The following RRM2 variants were observed in gnomAD, a reference collection of about 807,000 sequenced individuals.
The protein encoded by RRM2 is ribonucleoside-diphosphate reductase subunit M2.
A neutral mutation model predicts 45.9 loss-of-function variants in RRM2; 6 were observed. The observed-to-expected ratio is 0.13, with a 90% CI of 0.07 to 0.26. The LOEUF (loss-of-function observed/expected upper bound fraction) is 0.26, where lower values mean the gene tolerates loss of function less well. RRM2 is among the 10% of genes least tolerant of loss of function. The pLI is 1.00. For missense variants in RRM2, 343 were observed against 489.5 expected, an observed-to-expected ratio of 0.70 and a Z score of 2.82; for synonymous variants, 177 against 173.0, an observed-to-expected ratio of 1.02 and a Z score of -0.18.
chr2:10,125,040 T>G (rs1474492868), intron 5 of RRM2, among the ~76,000 whole-genome samples, 190 bp downstream of exon 5: 1 of 152,250 alleles, frequency 6.6e-6, no homozygotes, highest in Non-Finnish European at 1.5e-5. Context: ...CTTAGAGTTG[T>G]GAAGGTACTC....
downstream of RRM2, among the ~76,000 whole-genome samples, chr2:10,132,247 A>G (rs568363752): frequency 1.3e-5 from 2 of 152,336 alleles, no homozygotes; most frequent in Non-Finnish European, 2.9e-5. Flanking sequence ...ATTTTAATTC[A>G]GGAAGATGGG....
intron 3 of RRM2, among the ~76,000 whole-genome samples, chr2:10,206,162 C>T (rs1178125807): frequency 5.3e-5 from 8 of 150,378 alleles, no homozygotes; most frequent in African/African-American, 9.8e-5. Flanking sequence ...AGGAGAATGG[C>T]GTGAATCTGG....
In RRM2 at chr2:10,169,736, C is replaced by T. The variant is rs369240597; in HGVS notation, n.482+27361C>T. Among the ~76,000 whole-genome samples, 30 of 152,284 alleles carry T rather than the reference C, an allele frequency of 2.0e-4. 2 individuals are homozygous for T. The highest frequency in any genetic ancestry group is 1.2e-3 in the Admixed American group (19 of 15,296). On this transcript the variant is annotated intron_variant and non_coding_transcript_variant, in intron 3 of 3. Transcript: ENST00000381786. The surrounding 1 kb of genome is among the most constrained non-coding windows in gnomAD (Gnocchi z 5.1). The stretch of plus-strand genomic sequence containing the variant: ...AATGAGTGTCTCTGAGTTTGGAGAG[C>T]TGGCCTCCGCACTGGGCTTCCTGAG...
In RRM2 at chr2:10,129,158, A is replaced by T. The variant is rs1160832792; in HGVS notation, c.1017+4A>T. ...GCTGGAACTGGGTTTTAGCAAGGTA[A>T]AGTATTGTTTACATAGCCTTTTGCT... is the stretch of plus-strand genomic sequence containing the variant. On this transcript the variant is annotated splice_donor_region_variant and intron_variant, in intron 9 of 9. Coordinates refer to ENST00000304567, the MANE Select transcript of RRM2 (RefSeq NM_001034.4). The surrounding 1 kb of genome is among the most constrained non-coding windows in gnomAD (Gnocchi z 4.8). 1 of 1,614,068 alleles carries T rather than the reference A, an allele frequency of 6.2e-7. No individual in the cohort carries two copies. The highest frequency in any genetic ancestry group is 2.2e-5 in the East Asian group (1 of 44,882).
rs1491150292 is a variant in RRM2, at chr2:10,177,701, T to TC, written n.483-32608dup. ...TTCCTTCCTTCCTTCCTTCCTTCCT[T>TC]CCTTCCTCTCTCCCTCCCTCCCTCC... On this transcript the variant is annotated intron_variant and non_coding_transcript_variant, in intron 3 of 3. Transcript: ENST00000381786. Among the ~76,000 whole-genome samples, 363 of 122,504 alleles carry TC rather than the reference T, an allele frequency of 3.0e-3. 2 individuals are homozygous for TC. Among genetic ancestry groups the TC allele is most frequent in the African/African-American group, 9.7e-3 (330 of 33,890 alleles). The allele number at this position is 122,504 out of a possible 152,430, so 80.4% of individuals were successfully genotyped here. A position where few individuals can be genotyped will look rare whatever the true frequency, so the allele number is the denominator to read the frequency against.
upstream of RRM2, among the ~76,000 whole-genome samples, chr2:10,139,753 C>G (rs1357048813): frequency 2.0e-5 from 3 of 152,202 alleles, no homozygotes; most frequent in Non-Finnish European, 4.4e-5. Context: ...CTAGAACTTT[C>G]TGGAACACAG....
chr2:10,173,785 G>C (rs893854911), intron 3 of RRM2, among the ~76,000 whole-genome samples: 1 of 152,252 alleles, frequency 6.6e-6, no homozygotes, highest in Non-Finnish European at 1.5e-5. Context: ...GAGGGCCTGC[G>C]TCTTCCGGGC....
Position 10,171,686 on chromosome 2 carries a change from GC to G in RRM2, n.482+29312del, listed in dbSNP as rs1160614261. 6.6e-6 allele frequency among the ~76,000 whole-genome samples: 1 copy of G among 152,192 alleles called. No individual in the cohort carries two copies. Among genetic ancestry groups the G allele is most frequent in the Non-Finnish European group, 1.5e-5 (1 of 68,024 alleles). ...CACGGATGCCACCCCAGGACCCCTG[GC>G]ATAGGGAGCCGAGCAGGGCAGCCGG... On this transcript the variant is annotated intron_variant and non_coding_transcript_variant, in intron 3 of 3. Coordinates refer to the RRM2 transcript ENST00000381786. The surrounding 1 kb of genome is among the most constrained non-coding windows in gnomAD (Gnocchi z 4.1).
At chr2:10,156,134 A>T (rs536934427) in intron 3 of RRM2, 22 of 152,364 alleles carry the variant, frequency 1.4e-4, no homozygotes, top group African/African-American at 5.3e-4. Flanking sequence ...TTAGCCTGTA[A>T]GGCAGGGGTG....
intron 3 of RRM2, among the ~76,000 whole-genome samples, chr2:10,157,557 G>A (rs537073149): frequency 1.3e-5 from 2 of 152,260 alleles, no homozygotes; most frequent in African/African-American, 2.4e-5. Flanking sequence ...GCCGCTGCTC[G>A]GTGTGGTACT....
At chr2:10,158,431 C>CCT (rs939071243) in intron 3 of RRM2, among the ~76,000 whole-genome samples, 5 of 152,106 alleles carry the variant, frequency 3.3e-5, no homozygotes, top group African/African-American at 1.2e-4. Context: ...ATGCTGCCTG[C>CCT]CTCTGGGAGA....
At chr2:10,209,646 G>C (rs796715094) in intron 3 of RRM2, among the ~76,000 whole-genome samples, 1 of 151,562 alleles carries the variant, frequency 6.6e-6, no homozygotes, top group African/African-American at 2.4e-5. Context: ...TGTTGGGATC[G>C]GCTTCCAAAT....
chr2:10,176,970 G>A (rs978002041), intron 3 of RRM2, among the ~76,000 whole-genome samples: 4 of 152,162 alleles, frequency 2.6e-5, no homozygotes, highest in Non-Finnish European at 1.5e-5. Flanking sequence ...ATTGAGCCGG[G>A]TACAGTGGCT....
exon 3 of RRM2, chr2:10,142,362 G>C (rs1236283871): frequency 1.5e-6 from 2 of 1,373,266 alleles, no homozygotes; most frequent in African/African-American, 2.9e-5. Context: ...GCGGGAGGCA[G>C]TTGCAGCTTT....
downstream of RRM2, among the ~76,000 whole-genome samples, chr2:10,133,837 ACTC>A (rs778704787): frequency 8.7e-4 from 132 of 151,756 alleles, no homozygotes; most frequent in African/African-American, 2.8e-3. Flanking sequence ...AAGGAACCGA[ACTC>A]CTCTTGCTTC....
chr2:10,210,243 G>T, intron 3 of RRM2: 2 of 1,121,280 alleles, frequency 1.8e-6, no homozygotes, highest in Non-Finnish European at 2.5e-6. Context: ...TATGTGTTTG[G>T]TGAATTTGGG....
At chr2:10,154,729 CTT>C (rs1558390311) in intron 3 of RRM2, among the ~76,000 whole-genome samples, 1 of 114,428 alleles carries the variant, frequency 8.7e-6, no homozygotes, top group Non-Finnish European at 1.7e-5. Flanking sequence ...GTGTTTCACT[CTT>C]GTTGCCCAGG....
chr2:10,123,922 G>C (rs1662725400), intron 4 of RRM2, 70 bp downstream of exon 4: 4 of 878,454 alleles, frequency 4.6e-6, no homozygotes, highest in East Asian at 4.8e-5. Flanking sequence ...CGCTTTCCTC[G>C]TCTTGTATGT....
upstream of RRM2, among the ~76,000 whole-genome samples, chr2:10,140,254 G>T (rs566595181): frequency 1.3e-5 from 2 of 151,450 alleles, no homozygotes; most frequent in East Asian, 1.9e-4. Context: ...CTCTAAAAAA[G>T]AAAAGAAAAA....
Sources: gnomAD v4.1 joint callset for allele counts (sites outside exome capture counted in the v4.1 genomes callset) on GRCh38, gnomAD v4.1.1 for gene constraint, Gnocchi (gnomAD v3.1) non-coding constraint, MANE v1.5 for transcripts, NCBI Gene and HGNC (gene_info 2026-07-23, HGNC 2026-07-21) for gene names.